SHFL: variants seen among roughly 807,000 people sequenced by gnomAD.
SHFL encodes shiftless antiviral inhibitor of ribosomal frameshifting protein.
In SHFL, 12 loss-of-function variants were observed where a neutral mutation model predicts 34.7. That is an observed-to-expected ratio of 0.35 (90% CI 0.22 to 0.56). The LOEUF is 0.56. SHFL is among the 20% of genes least tolerant of loss of function. The probability of loss-of-function intolerance (pLI) is 0.88; values close to 1 mark genes in which losing one functional copy is unlikely to be tolerated. For missense variants in SHFL, 278 were observed against 411.1 expected, an observed-to-expected ratio of 0.68 and a Z score of 2.80; for synonymous variants, 148 against 156.0, an observed-to-expected ratio of 0.95 and a Z score of 0.38.
At chr19:10,087,464 T>A in intron 3 of SHFL, 164 bp downstream of exon 3, 1 of 707,104 alleles carries the variant, frequency 1.4e-6, no homozygotes, top group East Asian at 2.7e-5. Flanking sequence ...TCTCCATCAT[T>A]TGTCCGGCCA....
At position 10,086,663 on chromosome 19, in the gene SHFL, G is replaced by C; in HGVS notation, c.21+215G>C. On this transcript the variant is annotated intron_variant, in intron 1 of 7. Coordinates refer to ENST00000253110, the MANE Select transcript of SHFL (RefSeq NM_018381.4). This position sits in a 1 kb window ranked among gnomAD's most constrained non-coding sequence, Gnocchi z 5.2. ...TCCCCGAGGAAAAGCGGGGGCTGCA[G>C]GGTCAAAGGTCAGAGGCCAGAGATA... 1 of 568,544 alleles carries C rather than the reference G, an allele frequency of 1.8e-6. No homozygotes were observed. Among genetic ancestry groups the C allele is most frequent in the Non-Finnish European group, 2.9e-6 (1 of 339,696 alleles). The allele number at this position is 568,544 out of a possible 1,614,324, so 35.2% of individuals were successfully genotyped here.
chr19:10,092,165 A>G lies in SHFL; in HGVS notation c.739A>G (p.Ser247Gly). The stretch of plus-strand genomic sequence containing the variant: ...CCACCCCAGCAACCCTCACATTAGC[A>G]GTGGCTCCACTGTGGCCACCTGCTT... ...VLHPSNPHIS[S>G]GSTVATCLSQ... The change falls in exon 8 of 8, where the codon AGT (serine) becomes GGT (glycine). Residue 247 changes from serine (S) to glycine (G), a missense_variant. Transcript: ENST00000253110. 6.2e-7 allele frequency: 1 copy of G among 1,613,812 alleles called. No homozygotes were observed.
rs1485113986 is a variant in SHFL, at chr19:10,089,707, G to C, written c.234+12G>C. 6 of 1,595,638 alleles carry C rather than the reference G, an allele frequency of 3.8e-6. No individual in the cohort carries two copies. In the Admixed American group the frequency reaches 7.0e-5, roughly 19 times the overall value. ...ACCGGGACATTCAGGTGAGTTGGTG[G>C]CTAGGGCTTGGGATGGGGGAGTTGG... is the stretch of plus-strand genomic sequence containing the variant. On this transcript the variant is annotated intron_variant, in intron 4 of 7. Transcript: ENST00000253110.
At position 10,091,698 on chromosome 19, in the gene SHFL, C is replaced by G; in HGVS notation, c.643+68C>G. 1 of 1,474,272 alleles carries G rather than the reference C, an allele frequency of 6.8e-7. No homozygotes were observed. The highest frequency in any genetic ancestry group is 9.1e-7 in the Non-Finnish European group (1 of 1,104,308). 91.3% of individuals were successfully genotyped at this position (1,474,272 alleles called of 1,614,324 possible). Reference sequence around the variant, plus strand: ...CTTCTGTGCCTTTAAGTCCCCAAATCTCCACTCAGTCCACTTTGTCTCCCA... The same window carrying G: ...CTTCTGTGCCTTTAAGTCCCCAAATGTCCACTCAGTCCACTTTGTCTCCCA... On this transcript the variant is annotated intron_variant, in intron 7 of 7. Coordinates refer to ENST00000253110, the MANE Select transcript of SHFL (RefSeq NM_018381.4). This position sits in a 1 kb window ranked among gnomAD's most constrained non-coding sequence, Gnocchi z 8.2.
chr19:10,089,385 AT>A (rs2088343076), intron 3 of SHFL: 1 of 1,598,564 alleles, frequency 6.3e-7, no homozygotes, highest in South Asian at 1.1e-5. Context: ...GGAAGTGAGT[AT>A]GGGGGTCAGG....
At position 10,091,216 on chromosome 19, in the gene SHFL, C is replaced by A; in HGVS notation, c.385-34C>A. Reference sequence around the variant, plus strand: ...TCAGACACCTCTGACAATCCTTGGTCCCCTCTCTGTACCTTCCTGCCCACC... The same window carrying A: ...TCAGACACCTCTGACAATCCTTGGTACCCTCTCTGTACCTTCCTGCCCACC... On this transcript the variant is annotated intron_variant, in intron 5 of 7. Coordinates refer to ENST00000253110, the MANE Select transcript of SHFL (RefSeq NM_018381.4). This position sits in a 1 kb window ranked among gnomAD's most constrained non-coding sequence, Gnocchi z 8.2. The A allele has an allele frequency of 6.3e-7, 1 of 1,584,664 alleles. No individual in the cohort carries two copies. Among genetic ancestry groups the A allele is most frequent in the Non-Finnish European group, 8.6e-7 (1 of 1,156,344 alleles).
At position 10,086,905 on chromosome 19, in the gene SHFL, G is replaced by A. The variant is rs769720043; in HGVS notation, c.22-24G>A. 1.9e-6 allele frequency: 3 copies of A among 1,612,520 alleles called. No individual in the cohort carries two copies. The highest frequency in any genetic ancestry group is 1.7e-5 in the Admixed American group (1 of 59,886). The stretch of plus-strand genomic sequence containing the variant: ...TGATCCCGTTTCCCCTTCCCCCACC[G>A]GAACCCCCCTGTCTCCATCCCAGCT... On this transcript the variant is annotated intron_variant, in intron 1 of 7. Coordinates refer to ENST00000253110, the MANE Select transcript of SHFL (RefSeq NM_018381.4). The surrounding 1 kb of genome is among the most constrained non-coding windows in gnomAD (Gnocchi z 5.2).
In SHFL at chr19:10,092,482, T is replaced by G; in HGVS notation, c.*180T>G. 1 of 1,516,070 alleles carries G rather than the reference T, an allele frequency of 6.6e-7. No homozygotes were observed. Among genetic ancestry groups the G allele is most frequent in the Middle Eastern group, 1.9e-4 (1 of 5,218 alleles). The allele number at this position is 1,516,070 out of a possible 1,614,324, so 93.9% of individuals were successfully genotyped here. ...AGGGTCACAGATCCACAGTGGGAAG[T>G]TCTGTGGGACACATTGGCACTGAGC... is the stretch of plus-strand genomic sequence containing the variant. On this transcript the variant is annotated 3_prime_UTR_variant, in exon 8 of 8. Coordinates refer to ENST00000253110, the MANE Select transcript of SHFL (RefSeq NM_018381.4).
intron 3 of SHFL, chr19:10,087,646 A>G: frequency 2.6e-5 from 5 of 194,866 alleles, no homozygotes; most frequent in Non-Finnish European, 4.9e-5. Context: ...GATGGGGAGG[A>G]GTGAGCCCTG....
chr19:10,092,453 G>A lies in SHFL; in HGVS notation c.*151G>A, dbSNP rs537166426. ...GGGATTCCTGGGTCCCATTTTCAGC[G>A]CCCAGGGTCACAGATCCACAGTGGG... On this transcript the variant is annotated 3_prime_UTR_variant, in exon 8 of 8. Coordinates refer to ENST00000253110, the MANE Select transcript of SHFL (RefSeq NM_018381.4). 73 of 1,516,414 alleles carry A rather than the reference G, an allele frequency of 4.8e-5. 1 individual carries two copies. The highest frequency in any genetic ancestry group is 1.8e-4 in the Middle Eastern group (1 of 5,420). The allele number at this position is 1,516,414 out of a possible 1,614,324, so 93.9% of individuals were successfully genotyped here.
chr19:10,086,383 A>G lies in SHFL; in HGVS notation c.-45A>G, dbSNP rs1188059071. ...GCGCACCCAGGTAGGGGGGCGGCTG[A>G]GCCGCGCAGTGCGGACCCTCGCGGG... On this transcript the variant is annotated 5_prime_UTR_variant, in exon 1 of 8. Transcript: ENST00000253110. This position sits in a 1 kb window ranked among gnomAD's most constrained non-coding sequence, Gnocchi z 5.2. The G allele has an allele frequency of 3.9e-6, 5 of 1,282,294 alleles. No individual in the cohort carries two copies. Among genetic ancestry groups the G allele is most frequent in the Non-Finnish European group, 5.0e-6 (5 of 1,007,600 alleles). The allele number at this position is 1,282,294 out of a possible 1,614,324, so 79.4% of individuals were successfully genotyped here.
At chr19:10,090,124 T>A in intron 5 of SHFL, 77 bp downstream of exon 5, 1 of 1,467,308 alleles carries the variant, frequency 6.8e-7, no homozygotes, top group South Asian at 1.2e-5. Context: ...TGACTGTACC[T>A]CTGACCTAAG....
Position 10,091,107 on chromosome 19 carries a change from C to G in SHFL, c.385-143C>G. On this transcript the variant is annotated intron_variant, in intron 5 of 7. Transcript: ENST00000253110. This position sits in a 1 kb window ranked among gnomAD's most constrained non-coding sequence, Gnocchi z 8.2. ...TATTCCCACCATGGTCAATATCAGG[C>G]TACCCACGTGAAGTCACTGATTGAG... 1.6e-6 allele frequency: 1 copy of G among 640,186 alleles called. No homozygotes were observed. Among genetic ancestry groups the G allele is most frequent in the Non-Finnish European group, 2.8e-6 (1 of 354,234 alleles). The allele number at this position is 640,186 out of a possible 1,614,324, so 39.7% of individuals were successfully genotyped here.
intron 3 of SHFL, 30 bp downstream of exon 3, chr19:10,087,330 C>T: frequency 8.7e-6 from 14 of 1,613,672 alleles, no homozygotes; most frequent in Non-Finnish European, 1.2e-5. Flanking sequence ...CGCAAAGGAC[C>T]GGGTCACGGG....
rs778628779 is a variant in SHFL at position 10,087,267 on chromosome 19, T to C, written c.162T>C (p.Asp54=). The C allele has an allele frequency of 2.3e-5, 37 of 1,614,022 alleles. No individual in the cohort carries two copies. Among genetic ancestry groups the C allele is most frequent in the South Asian group, 3.3e-5 (3 of 91,088 alleles). ...RSIVYGVKQK[D]GQELSNDLDA... is the part of the protein sequence containing the mutation. ...CCCCCGCAGGGGTAAAGCAAAAAGA[T>C]GGCCAAGAACTAAGTAACGATCTGG... is the stretch of plus-strand genomic sequence containing the variant. The change falls in exon 3 of 8, where the codon GAT becomes GAC. Residue 54 remains aspartate (D), a synonymous_variant. Transcript: ENST00000253110.
rs2145150386 is a variant in SHFL at position 10,086,887 on chromosome 19, G to A, written c.22-42G>A. On this transcript the variant is annotated intron_variant, in intron 1 of 7. Transcript: ENST00000253110. The surrounding 1 kb of genome is among the most constrained non-coding windows in gnomAD (Gnocchi z 5.2). ...CTAGAGATGGGGGAGGGATGATCCC[G>A]TTTCCCCTTCCCCCACCGGAACCCC... is the stretch of plus-strand genomic sequence containing the variant. 1.2e-6 allele frequency: 2 copies of A among 1,609,382 alleles called. No homozygotes were observed. The highest frequency in any genetic ancestry group is 2.2e-5 in the East Asian group (1 of 44,748).
At position 10,086,598 on chromosome 19, in the gene SHFL, G is replaced by C; in HGVS notation, c.21+150G>C. On this transcript the variant is annotated intron_variant, in intron 1 of 7. Transcript: ENST00000253110. The surrounding 1 kb of genome is among the most constrained non-coding windows in gnomAD (Gnocchi z 5.2). ...GCCTGGCGCTCGCCCCCCTTGAAAA[G>C]GAAAGTGACTCCCACGTTTCCCCAG... is the stretch of plus-strand genomic sequence containing the variant. The C allele has an allele frequency of 1.3e-6, 1 of 798,500 alleles. No individual in the cohort carries two copies. The highest frequency in any genetic ancestry group is 1.8e-6 in the Non-Finnish European group (1 of 560,730). 49.5% of individuals were successfully genotyped at this position (798,500 alleles called of 1,614,324 possible).
chr19:10,090,964 C>T (rs2088374198), intron 5 of SHFL, among the ~76,000 whole-genome samples: 1 of 151,912 alleles, frequency 6.6e-6, no homozygotes, highest in African/African-American at 2.4e-5. Context: ...AACACAGCCC[C>T]AAATCTGGCT....
chr19:10,089,348 T>C (rs376064537), intron 3 of SHFL: 3 of 1,598,372 alleles, frequency 1.9e-6, no homozygotes, highest in Non-Finnish European at 2.5e-6. Context: ...TGTCACAACA[T>C]CAACAAGCAT....
Sources: gnomAD v4.1 joint callset for allele counts (sites outside exome capture counted in the v4.1 genomes callset) on GRCh38, gnomAD v4.1.1 for gene constraint, Gnocchi (gnomAD v3.1) non-coding constraint, MANE v1.5 for transcripts, NCBI Gene and HGNC (gene_info 2026-07-23, HGNC 2026-07-21) for gene names.